Variants in ESRRB observed in about 807,000 individuals in gnomAD.
The protein encoded by ESRRB is estrogen related receptor beta.
A neutral mutation model predicts 46.0 loss-of-function variants in ESRRB; 16 were observed. The ratio of observed to expected loss-of-function variants is 0.35; its 90% CI spans 0.24 to 0.53. The LOEUF is 0.53. ESRRB is among the 20% of genes least tolerant of loss of function. The pLI is 0.93. For missense variants in ESRRB, 488 were observed against 607.4 expected (o/e 0.80, Z 2.07); for synonymous variants, 246 against 259.6 (o/e 0.95, Z 0.50).
chr14:76,360,226 A>T (rs994890446), intron 1 of ESRRB, among the ~76,000 whole-genome samples: 1 of 152,034 alleles, frequency 6.6e-6, no homozygotes, highest in East Asian at 1.9e-4. Context: ...AGCGTGTTGT[A>T]TGGAGGCTGA....
chr14:76,333,068 ATATTATATATATTATT>A, intron 1 of ESRRB, among the ~76,000 whole-genome samples: 2 of 11,648 alleles, frequency 1.7e-4, no homozygotes, highest in African/African-American at 5.4e-4. Context: ...TATATATTAT[ATATTATATATATTATT>A]TATATTATAT....
intron 1 of ESRRB, among the ~76,000 whole-genome samples, chr14:76,328,788 T>C (rs1206273981): frequency 6.6e-6 from 1 of 152,154 alleles, no homozygotes; most frequent in Non-Finnish European, 1.5e-5. Flanking sequence ...GGTCCACGCA[T>C]GCACTCTGTG....
chr14:76,327,243 G>C (rs375485240), intron 1 of ESRRB, among the ~76,000 whole-genome samples: 4 of 152,234 alleles, frequency 2.6e-5, no homozygotes, highest in African/African-American at 4.8e-5. Flanking sequence ...GGACCCACGT[G>C]GGGGTGGGCT....
At chr14:76,395,389 C>T (rs138818765) in intron 1 of ESRRB, among the ~76,000 whole-genome samples, 1 of 152,128 alleles carries the variant, frequency 6.6e-6, no homozygotes, top group Non-Finnish European at 1.5e-5. Context: ...TGCAGCGGGG[C>T]GTGTGGAGGA....
intron 1 of ESRRB, among the ~76,000 whole-genome samples, chr14:76,395,780 GTTA>G (rs1313540595): frequency 6.9e-6 from 1 of 145,134 alleles, no homozygotes; most frequent in African/African-American, 2.6e-5. Context: ...TTAATTAGGA[GTTA>G]TTATATATTT....
chr14:76,488,707 G>A (rs1464929944), intron 5 of ESRRB, among the ~76,000 whole-genome samples: 1 of 152,192 alleles, frequency 6.6e-6, no homozygotes, highest in Non-Finnish European at 1.5e-5. Flanking sequence ...GGGCCATCCA[G>A]GGGCACCTGG....
rs913248539 is a variant in ESRRB at position 76,380,683 on chromosome 14, G to A, written c.50+4232G>A. Among the ~76,000 whole-genome samples the A allele has an allele frequency of 7.5e-4, 114 of 152,134 alleles. 3 individuals are homozygous for A. Among genetic ancestry groups the A allele is most frequent in the Non-Finnish European group, 1.5e-4 (10 of 68,034 alleles). ...TCTGCCCAGAATTAGCGAGGATGCCGCACAGCTCCCCTGGGAGCTTCTGTC... is the reference window on the plus strand; with the variant it reads ...TCTGCCCAGAATTAGCGAGGATGCCACACAGCTCCCCTGGGAGCTTCTGTC... On this transcript the variant is annotated intron_variant, in intron 1 of 6. Coordinates refer to ENST00000644823, the MANE Select transcript of ESRRB (RefSeq NM_001379180.1).
At chr14:76,342,188 C>A (rs1884199463) in intron 1 of ESRRB, among the ~76,000 whole-genome samples, 1 of 152,162 alleles carries the variant, frequency 6.6e-6, no homozygotes, top group Non-Finnish European at 1.5e-5. Context: ...ACAAAGGGCC[C>A]CACTGGGTGG....
chr14:76,466,010 G>T (rs926283841), intron 3 of ESRRB, among the ~76,000 whole-genome samples: 2 of 152,212 alleles, frequency 1.3e-5, no homozygotes, highest in Non-Finnish European at 2.9e-5. Flanking sequence ...GCCTGGCTTG[G>T]CTTTTGTTTG....
chr14:76,487,484 C>T (rs76088198), intron 5 of ESRRB, among the ~76,000 whole-genome samples: 14,826 of 152,122 alleles, frequency 0.097, 920 homozygotes, highest in Middle Eastern at 0.16. Context: ...ATGTAATAAT[C>T]ACATGTATTA....
At chr14:76,414,668 TAAAAAAAAAAAAAAAA>T (rs71452810) in intron 1 of ESRRB, among the ~76,000 whole-genome samples, 1 of 116,846 alleles carries the variant, frequency 8.6e-6, no homozygotes, top group Admixed American at 8.8e-5. Context: ...GTTTGTTCCT[TAAAAAAAAAAAAAAAA>T]AAAAAAAAAC....
At chr14:76,319,499 C>T (rs1253391705) in intron 1 of ESRRB, among the ~76,000 whole-genome samples, 1 of 152,156 alleles carries the variant, frequency 6.6e-6, no homozygotes, top group Non-Finnish European at 1.5e-5. Flanking sequence ...TCTTCTTTCC[C>T]CATCTCAGGC....
chr14:76,439,212 T>C (rs1291496320), intron 1 of ESRRB, 129 bp from the exon 2 acceptor site: 2 of 1,071,896 alleles, frequency 1.9e-6, no homozygotes, highest in Non-Finnish European at 2.9e-6. Flanking sequence ...GCTGACCTTC[T>C]CCACCGTTGT....
intron 2 of ESRRB, among the ~76,000 whole-genome samples, chr14:76,459,914 A>G (rs969469337): frequency 6.6e-5 from 10 of 151,836 alleles, no homozygotes; most frequent in African/African-American, 2.4e-4. Flanking sequence ...GGAGAGGGGG[A>G]GAGAGGGAGA....
chr14:76,379,794 C>T (rs1204884140), intron 1 of ESRRB, among the ~76,000 whole-genome samples: 2 of 150,608 alleles, frequency 1.3e-5, no homozygotes, highest in African/African-American at 2.4e-5. Context: ...CTTCCCCCAA[C>T]CCTTTTCATT....
At chr14:76,375,541 T>TG (rs1484509024), upstream of ESRRB, among the ~76,000 whole-genome samples, 5 of 152,192 alleles carry the variant, frequency 3.3e-5, no homozygotes, top group African/African-American at 1.2e-4. Context: ...GTTTTATAGA[T>TG]GCGCACCCTG....
intron 1 of ESRRB, among the ~76,000 whole-genome samples, chr14:76,387,455 T>G (rs1176930761): frequency 6.6e-6 from 1 of 152,152 alleles, no homozygotes; most frequent in Non-Finnish European, 1.5e-5. Flanking sequence ...CTTCAGAAGC[T>G]CAGGGGTGAG....
At chr14:76,477,893 G>A (rs1889644534) in intron 3 of ESRRB, among the ~76,000 whole-genome samples, 1 of 152,144 alleles carries the variant, frequency 6.6e-6, no homozygotes, top group Non-Finnish European at 1.5e-5. Context: ...AAAAAGCTTG[G>A]GTCTTTTATT....
At chr14:76,443,324 T>A (rs1887997870) in intron 2 of ESRRB, among the ~76,000 whole-genome samples, 1 of 152,228 alleles carries the variant, frequency 6.6e-6, no homozygotes, top group Admixed American at 6.5e-5. Context: ...CTCCAGGACA[T>A]AAAAATGAAT....
Sources: gnomAD v4.1 joint callset for allele counts (sites outside exome capture counted in the v4.1 genomes callset) on GRCh38, gnomAD v4.1.1 for gene constraint, MANE v1.5 for transcripts, NCBI Gene and HGNC (gene_info 2026-07-23, HGNC 2026-07-21) for gene names.